The following SYNPO2 variants were observed in gnomAD, a reference collection of about 807,000 sequenced individuals.
SYNPO2 encodes the protein synaptopodin 2, also known as synaptopodin-2.
Under a neutral mutation model 85.0 loss-of-function variants are expected in SYNPO2, and 56 were observed. That is an observed-to-expected ratio of 0.66 (90% CI 0.53 to 0.82). The LOEUF (loss-of-function observed/expected upper bound fraction) is 0.82. Among genes scored for constraint, SYNPO2 ranks in the 40% least tolerant of loss-of-function variants. The pLI is 0.00. For missense variants in SYNPO2, 1,575 were observed against 1,534.2 expected (o/e 1.03, Z -0.44); for synonymous variants, 602 against 591.1 (o/e 1.02, Z -0.27).
intron 1 of SYNPO2, among the ~76,000 whole-genome samples, chr4:119,022,112 T>C (rs1162905232): frequency 6.6e-6 from 1 of 152,184 alleles, no homozygotes; most frequent in Non-Finnish European, 1.5e-5. Context: ...ACATATTCCC[T>C]AATATCCAGG....
In SYNPO2 at chr4:118,957,427, A is replaced by G. The variant is rs115748253; in HGVS notation, c.106-66003A>G. ...GTATGTGCTTTGGAATCAGATCTGG[A>G]TATAGCCTCCCTCCCTCTCCATTTA... On this transcript the variant is annotated intron_variant, in intron 1 of 4. Coordinates refer to ENST00000307142, the MANE Select transcript of SYNPO2 (RefSeq NM_133477.3). Among the ~76,000 whole-genome samples the G allele has an allele frequency of 5.6e-4, 86 of 152,242 alleles. 1 individual carries two copies. Among genetic ancestry groups the G allele is most frequent in the African/African-American group, 1.9e-3 (81 of 41,552 alleles).
chr4:119,030,109 T>A lies in SYNPO2; in HGVS notation c.1334T>A (p.Val445Glu). 1.5e-5 allele frequency: 24 copies of A among 1,613,516 alleles called. No individual in the cohort carries two copies. The highest frequency in any genetic ancestry group is 2.0e-5 in the Non-Finnish European group (24 of 1,179,884). ...TTTCTTGGTGCAAGCGAATCAGAGG[T>A]GGATGAAGAGTTATTGTCTGACGTT... The part of the protein sequence containing the change: ...VAFLGASESE[V>E]DEELLSDVDD... Residue 445 changes from valine (V) to glutamate (E), a missense_variant, in exon 4 of 5, where the codon GTG becomes GAG. This residue lies in a region of SYNPO2 where 1,508 missense variants were observed against 1,446.8 expected (regional missense o/e 1.04). Coordinates refer to ENST00000307142, the MANE Select transcript of SYNPO2 (RefSeq NM_133477.3).
At chr4:118,956,884 A>G (rs2149145320) in intron 1 of SYNPO2, among the ~76,000 whole-genome samples, 1 of 152,024 alleles carries the variant, frequency 6.6e-6, no homozygotes, top group African/African-American at 2.4e-5. Flanking sequence ...GTCTCTACTA[A>G]AAATATAAAA....
chr4:118,850,846 A>C (rs553777874), exon 1 of SYNPO2: 7 of 398,534 alleles, frequency 1.8e-5, no homozygotes, highest in Non-Finnish European at 2.7e-5. Flanking sequence ...AGAGAGATCC[A>C]AGGACAGAAC....
At position 118,870,238 on chromosome 4, in the gene SYNPO2, G is replaced by A. The variant is rs1731778190; in HGVS notation, c.12+19298G>A. 2.0e-5 allele frequency among the ~76,000 whole-genome samples: 3 copies of A among 152,200 alleles called. No homozygotes were observed. The South Asian group carries it at 6.2e-4, about 32-fold the overall frequency. On this transcript the variant is annotated intron_variant, in intron 1 of 4. Transcript: ENST00000610556. ...GGAAGCCTGCTGCACTAGCCCACAA[G>A]GAAAAGTCATTTCCTTCCAGAAACT... is the stretch of plus-strand genomic sequence containing the variant.
At chr4:118,852,139 A>G (rs548631498) in intron 1 of SYNPO2, among the ~76,000 whole-genome samples, 1 of 152,256 alleles carries the variant, frequency 6.6e-6, no homozygotes, top group Non-Finnish European at 1.5e-5. Context: ...ATCACGGACC[A>G]TTAGGGAAAT....
At position 119,026,918 on chromosome 4, in the gene SYNPO2, C is replaced by A. The variant is rs769222274; in HGVS notation, c.549C>A (p.Ile183=). 6.2e-7 allele frequency: 1 copy of A among 1,614,140 alleles called. No individual in the cohort carries two copies. ...SQRGRVAEEL[I]LREKVEAVQP... ...GAGGACGCGTGGCAGAAGAGCTGAT[C>A]TTAAGGGAGAAGGTAGAAGCGGTAC... The change falls in exon 3 of 5, where the codon ATC becomes ATA. Residue 183 remains isoleucine (I), a synonymous_variant. Coordinates refer to ENST00000307142, the MANE Select transcript of SYNPO2 (RefSeq NM_133477.3).
chr4:118,853,722 A>G (rs1289123610), intron 1 of SYNPO2, among the ~76,000 whole-genome samples: 1 of 152,048 alleles, frequency 6.6e-6, no homozygotes, highest in Non-Finnish European at 1.5e-5. Flanking sequence ...ATTCAACATC[A>G]TTGCCTCCTA....
rs768970316 is a variant in SYNPO2 at position 119,030,173 on chromosome 4, T to C, written c.1398T>C (p.Ser466=). 14 of 1,613,964 alleles carry C rather than the reference T, an allele frequency of 8.7e-6. No individual in the cohort carries two copies. Among genetic ancestry groups the C allele is most frequent in the Middle Eastern group, 1.6e-4 (1 of 6,084 alleles). ...AAGTTGTGAACTTTGACTGGGATTC[T>C]GGACTGGTGGACATTGAAAAGAAAC... ...NTQVVNFDWD[S]GLVDIEKKLN... is the part of the protein sequence containing the mutation. The change falls in exon 4 of 5, where the codon TCT becomes TCC. Residue 466 remains serine, a synonymous_variant. Coordinates refer to ENST00000307142, the MANE Select transcript of SYNPO2 (RefSeq NM_133477.3).
chr4:118,934,798 C>A (rs1734045962), intron 1 of SYNPO2, among the ~76,000 whole-genome samples: 1 of 152,142 alleles, frequency 6.6e-6, no homozygotes, highest in Non-Finnish European at 1.5e-5. Flanking sequence ...ACCACTCATG[C>A]CAATGAACCA....
chr4:118,965,287 C>A (rs891483713), intron 1 of SYNPO2, among the ~76,000 whole-genome samples: 6 of 152,056 alleles, frequency 3.9e-5, no homozygotes, highest in African/African-American at 9.7e-5. Flanking sequence ...AGCACCCCCC[C>A]ACCCCAACCA....
chr4:119,058,097 TATGTATGTGA>T lies in SYNPO2; in HGVS notation c.*166_*175del. 4.8e-6 allele frequency: 3 copies of T among 623,180 alleles called. No individual in the cohort carries two copies. Among genetic ancestry groups the T allele is most frequent in the Non-Finnish European group, 5.4e-6 (2 of 368,984 alleles). 38.6% of individuals were successfully genotyped at this position (623,180 alleles called of 1,614,324 possible). The stretch of plus-strand genomic sequence containing the variant: ...GTTTCTGTGTGTGTGTGTGTGTGTG[TATGTATGTGA>T]ATATACACACACACACACACACAGG... On this transcript the variant is annotated 3_prime_UTR_variant, in exon 5 of 5. Coordinates refer to ENST00000307142, the MANE Select transcript of SYNPO2 (RefSeq NM_133477.3).
intron 1 of SYNPO2, among the ~76,000 whole-genome samples, chr4:118,977,861 A>C (rs559084119): frequency 4.5e-4 from 68 of 152,354 alleles, no homozygotes; most frequent in African/African-American, 1.5e-3. Context: ...CTGTAGGTTT[A>C]TGGCATTGCC....
At chr4:118,956,242 T>C (rs926278462) in intron 1 of SYNPO2, among the ~76,000 whole-genome samples, 4 of 152,048 alleles carry the variant, frequency 2.6e-5, no homozygotes, top group African/African-American at 9.7e-5. Flanking sequence ...GTAATGTCCA[T>C]GTGTGAAGAG....
intron 1 of SYNPO2, among the ~76,000 whole-genome samples, chr4:118,979,587 G>A (rs1407656098): frequency 6.6e-6 from 1 of 152,294 alleles, no homozygotes; most frequent in African/African-American, 2.4e-5. Context: ...TTTCCGTACT[G>A]TTTATGACAA....
chr4:119,050,612 TC>T (rs1739007258), intron 4 of SYNPO2, among the ~76,000 whole-genome samples: 1 of 152,112 alleles, frequency 6.6e-6, no homozygotes, highest in Non-Finnish European at 1.5e-5. Context: ...CAATAAGCAA[TC>T]TATTAATGTT....
intron 1 of SYNPO2, among the ~76,000 whole-genome samples, chr4:118,976,705 G>T (rs533309126): frequency 3.9e-5 from 6 of 152,094 alleles, no homozygotes; most frequent in African/African-American, 1.2e-4. Flanking sequence ...ACAGAGTGTC[G>T]ATTGGTGCAT....
In SYNPO2 at chr4:119,035,006, G is replaced by T. The variant is rs929971351; in HGVS notation, c.3252+2979G>T. On this transcript the variant is annotated intron_variant, in intron 4 of 4. Transcript: ENST00000307142. ...TCCTTTGTCCTTAGCATAATTTCTA[G>T]GCAGAGCATCCACGAAGTCGGTTTT... 7 of 985,322 alleles carry T rather than the reference G, an allele frequency of 7.1e-6. No individual in the cohort carries two copies. The African/African-American group carries it at 1.2e-4, about 17-fold the overall frequency. The allele number at this position is 985,322 out of a possible 1,614,324, so 61.0% of individuals were successfully genotyped here.
chr4:118,889,158 G>C lies in SYNPO2; in HGVS notation c.105+17G>C. ...GTTGCAAAGGTAGGACCTGAACGAA[G>C]TGTCACGGCTCTGTGCTAGGAAGGA... On this transcript the variant is annotated intron_variant, in intron 1 of 4. Transcript: ENST00000307142. 1 of 1,612,532 alleles carries C rather than the reference G, an allele frequency of 6.2e-7. No individual in the cohort carries two copies. The highest frequency in any genetic ancestry group is 8.5e-7 in the Non-Finnish European group (1 of 1,178,880).
Sources: gnomAD v4.1 joint callset for allele counts (sites outside exome capture counted in the v4.1 genomes callset) on GRCh38, gnomAD v4.1.1 for gene constraint, gnomAD v4.1.1 regional missense constraint, MANE v1.5 for transcripts, NCBI Gene and HGNC (gene_info 2026-07-23, HGNC 2026-07-21) for gene names.